Variants in RBFOX1 observed in about 807,000 individuals in gnomAD.
RBFOX1 encodes the protein RNA binding protein fox-1 homolog 1.
RBFOX1 carries 8 observed loss-of-function variants against 57.7 expected under a neutral mutation model. The ratio of observed to expected loss-of-function variants is 0.14; its 90% CI spans 0.08 to 0.25. The LOEUF is 0.25. Ranked by LOEUF, RBFOX1 falls within the 10% of genes least tolerant of loss-of-function variation. The probability of loss-of-function intolerance (pLI) is 1.00; values close to 1 mark genes in which losing one functional copy is unlikely to be tolerated. For missense variants in RBFOX1, 611 were observed against 548.5 expected (o/e 1.11, Z -1.14); for synonymous variants, 326 against 222.4 (o/e 1.47, Z -4.15).
rs112302085 is a variant in RBFOX1 at position 6,219,123 on chromosome 16, C to A, written c.-126-97872C>A. Among the ~76,000 whole-genome samples, 778 of 152,260 alleles carry A rather than the reference C, an allele frequency of 5.1e-3. 12 individuals are homozygous for A. Among genetic ancestry groups the A allele is most frequent in the African/African-American group, 0.018 (731 of 41,554 alleles). On this transcript the variant is annotated intron_variant, in intron 1 of 15. Coordinates refer to ENST00000550418, the MANE Select transcript of RBFOX1 (RefSeq NM_018723.4). The stretch of plus-strand genomic sequence containing the variant: ...GTAAATTGAGAGCAAAGGTCACAAT[C>A]TGTGGTTGGTGATTTTTTATATGTC...
chr16:5,594,981 A>G (rs1009576712), intron 2 of RBFOX1, among the ~76,000 whole-genome samples: 8 of 150,744 alleles, frequency 5.3e-5, no homozygotes, highest in African/African-American at 1.9e-4. Context: ...AAAAAAAAAA[A>G]AAAAAAAAAA....
chr16:5,611,578 C>G (rs1240575219), intron 3 of RBFOX1, among the ~76,000 whole-genome samples: 3 of 152,120 alleles, frequency 2.0e-5, no homozygotes, highest in Non-Finnish European at 1.5e-5. Flanking sequence ...TAAAAATGAT[C>G]AATTTTATAA....
intron 1 of RBFOX1, among the ~76,000 whole-genome samples, chr16:6,068,491 C>A (rs543921086): frequency 2.0e-5 from 3 of 152,106 alleles, no homozygotes; most frequent in Admixed American, 6.6e-5. Context: ...TAATAGGAAC[C>A]GTTTGGGGTT....
At chr16:6,239,458 G>A (rs1241618224) in intron 1 of RBFOX1, among the ~76,000 whole-genome samples, 5 of 133,016 alleles carry the variant, frequency 3.8e-5, no homozygotes, top group Non-Finnish European at 7.9e-5. Context: ...CACCTGTTAA[G>A]AATAACTTAT....
At chr16:6,505,637 A>C (rs2096068922) in intron 2 of RBFOX1, among the ~76,000 whole-genome samples, 1 of 152,212 alleles carries the variant, frequency 6.6e-6, no homozygotes, top group Non-Finnish European at 1.5e-5. Context: ...TTAATCCTCA[A>C]GAACTCTACT....
At chr16:7,525,807 A>G (rs896314944) in intron 5 of RBFOX1, among the ~76,000 whole-genome samples, 3 of 152,162 alleles carry the variant, frequency 2.0e-5, no homozygotes, top group African/African-American at 7.2e-5. Context: ...ATGCTGTTAG[A>G]ATCCCACCAA....
rs80346971 is a variant in RBFOX1, at chr16:6,309,303, G to C, written c.-126-7692G>C. Among the ~76,000 whole-genome samples the C allele has an allele frequency of 4.6e-5, 7 of 152,046 alleles. No individual in the cohort carries two copies. The South Asian group carries it at 8.3e-4, about 18-fold the overall frequency. ...GTTCAAATGCAATTTCTCTGAGAAG[G>C]CTGTGGTACCTCTGCTCTCTCTGGC... On this transcript the variant is annotated intron_variant, in intron 1 of 15. Coordinates refer to ENST00000550418, the MANE Select transcript of RBFOX1 (RefSeq NM_018723.4).
chr16:6,930,912 T>C (rs2076400544), intron 3 of RBFOX1, among the ~76,000 whole-genome samples: 1 of 152,020 alleles, frequency 6.6e-6, no homozygotes, highest in Non-Finnish European at 1.5e-5. Flanking sequence ...AGCCGAGTCT[T>C]CTGTGTATTT....
chr16:6,694,030 G>A (rs1306267599), intron 3 of RBFOX1, among the ~76,000 whole-genome samples: 10 of 152,190 alleles, frequency 6.6e-5, no homozygotes, highest in Non-Finnish European at 8.8e-5. Flanking sequence ...TTGTAATATA[G>A]GCATGTGTTT....
At chr16:5,289,311 C>A in intron 1 of RBFOX1, 2 of 414,084 alleles carry the variant, frequency 4.8e-6, no homozygotes, top group South Asian at 5.9e-5. Flanking sequence ...TGGTCAGCCT[C>A]ATTCCAGGAG....
intron 1 of RBFOX1, among the ~76,000 whole-genome samples, chr16:5,426,768 G>A (rs1356203313): frequency 6.6e-6 from 1 of 152,120 alleles, no homozygotes; most frequent in Non-Finnish European, 1.5e-5. Flanking sequence ...GGGAGAGAGA[G>A]GCTACTTGCT....
intron 4 of RBFOX1, among the ~76,000 whole-genome samples, chr16:5,888,956 G>T (rs2057972565): frequency 6.6e-6 from 1 of 152,140 alleles, no homozygotes; most frequent in South Asian, 2.1e-4. Flanking sequence ...TTCATCCTCT[G>T]CTGTGGGCTG....
At chr16:6,153,389 T>A (rs1194766836) in intron 1 of RBFOX1, among the ~76,000 whole-genome samples, 2 of 152,216 alleles carry the variant, frequency 1.3e-5, no homozygotes, top group African/African-American at 4.8e-5. Context: ...GAATTCTTTT[T>A]TAAATATGGA....
At chr16:6,940,136 G>A (rs1473959719) in intron 3 of RBFOX1, among the ~76,000 whole-genome samples, 2 of 152,116 alleles carry the variant, frequency 1.3e-5, no homozygotes, top group South Asian at 2.1e-4. Flanking sequence ...AGGTTGCAGT[G>A]AGCCAAGATC....
chr16:7,191,665 C>A (rs529392029), intron 4 of RBFOX1, among the ~76,000 whole-genome samples: 26 of 152,234 alleles, frequency 1.7e-4, no homozygotes, highest in Middle Eastern at 3.4e-3. Context: ...TGCGTGTTTC[C>A]GTCAGAAGGG....
chr16:6,909,334 G>C (rs561059796), intron 3 of RBFOX1, among the ~76,000 whole-genome samples: 1 of 152,122 alleles, frequency 6.6e-6, no homozygotes, highest in Non-Finnish European at 1.5e-5. Context: ...TCTTCCTCTT[G>C]TAAGGAACTT....
chr16:7,589,846 C>T (rs1176112984), intron 7 of RBFOX1, among the ~76,000 whole-genome samples: 1 of 151,070 alleles, frequency 6.6e-6, no homozygotes, highest in African/African-American at 2.4e-5. Flanking sequence ...AACTCACCTT[C>T]TTGCCTTTCA....
chr16:5,923,930 G>T (rs964040632), intron 4 of RBFOX1, among the ~76,000 whole-genome samples: 1 of 152,120 alleles, frequency 6.6e-6, no homozygotes, highest in African/African-American at 2.4e-5. Context: ...TGGTTTGTCT[G>T]TGTCTCCACA....
intron 4 of RBFOX1, among the ~76,000 whole-genome samples, chr16:7,348,368 A>G (rs1209720004): frequency 6.6e-6 from 1 of 152,122 alleles, no homozygotes; most frequent in East Asian, 1.9e-4. Context: ...GGTTTTTAAT[A>G]GGAACACCTT....
Sources: gnomAD v4.1 joint callset for allele counts (sites outside exome capture counted in the v4.1 genomes callset) on GRCh38, gnomAD v4.1.1 for gene constraint, MANE v1.5 for transcripts, NCBI Gene and HGNC (gene_info 2026-07-23, HGNC 2026-07-21) for gene names.